GFRA2: variants seen among roughly 807,000 people sequenced by gnomAD.
The protein encoded by GFRA2 is GDNF family receptor alpha 2.
A neutral mutation model predicts 48.3 loss-of-function variants in GFRA2; 17 were observed. The ratio of observed to expected loss-of-function variants is 0.35; its 90% CI spans 0.24 to 0.53. The LOEUF is 0.53. GFRA2 is among the 20% of genes least tolerant of loss of function. The pLI, the probability that GFRA2 is intolerant of heterozygous loss-of-function variation, is 0.93. For missense variants in GFRA2, 660 were observed against 637.3 expected, an observed-to-expected ratio of 1.04 and a Z score of -0.38; for synonymous variants, 305 against 257.2, an observed-to-expected ratio of 1.19 and a Z score of -1.78.
chr8:21,750,052 A>C lies in GFRA2; in HGVS notation c.794+536T>G, dbSNP rs1395254629. Among the ~76,000 whole-genome samples the C allele has an allele frequency of 6.8e-6, 1 of 147,184 alleles. No homozygotes were observed. Among genetic ancestry groups the C allele is most frequent in the East Asian group, 2.0e-4 (1 of 5,064 alleles). On this transcript the variant is annotated intron_variant, in intron 4 of 8. Transcript: ENST00000524240. This position sits in a 1 kb window ranked among gnomAD's most constrained non-coding sequence, Gnocchi z 5.7. The stretch of plus-strand genomic sequence containing the variant: ...AATTTAGCTCTATATAATATATGTA[A>C]GTATATATATGTGTATATATGTGTG...
At chr8:21,721,268 C>T (rs1803580246) in intron 4 of GFRA2, among the ~76,000 whole-genome samples, 1 of 152,208 alleles carries the variant, frequency 6.6e-6, no homozygotes, top group African/African-American at 2.4e-5. Flanking sequence ...TTCCCCCCTT[C>T]CTCTTATCCT....
At chr8:21,790,176 G>A (rs1470777387), upstream of GFRA2, 4 of 838,142 alleles carry the variant, frequency 4.8e-6, no homozygotes, top group Non-Finnish European at 5.8e-6. Context: ...GTCACGTTCC[G>A]GCGAGAGCGG....
At chr8:21,703,894 G>A (rs186056978) in intron 6 of GFRA2, among the ~76,000 whole-genome samples, 136 of 152,320 alleles carry the variant, frequency 8.9e-4, no homozygotes, top group Admixed American at 5.9e-4. Context: ...TCTGACTCCC[G>A]CTGCCTCACA....
chr8:21,791,153 T>C (rs984748904), upstream of GFRA2, among the ~76,000 whole-genome samples: 5 of 152,276 alleles, frequency 3.3e-5, no homozygotes, highest in East Asian at 9.7e-4. Context: ...CATTTGAGCA[T>C]AATGAGAGAA....
intron 4 of GFRA2, among the ~76,000 whole-genome samples, chr8:21,747,702 A>G (rs1196527077): frequency 2.0e-5 from 3 of 148,468 alleles, no homozygotes; most frequent in Non-Finnish European, 4.4e-5. Flanking sequence ...TTTGTACCCA[A>G]TGCCTCTACT....
intron 4 of GFRA2, among the ~76,000 whole-genome samples, chr8:21,714,903 C>A (rs1415075467): frequency 6.6e-6 from 1 of 152,158 alleles, no homozygotes; most frequent in African/African-American, 2.4e-5. Context: ...GTGCAAATTA[C>A]TCATGATAGG....
chr8:21,708,348 C>T (rs550770232), intron 4 of GFRA2, among the ~76,000 whole-genome samples: 53 of 152,306 alleles, frequency 3.5e-4, no homozygotes, highest in Non-Finnish European at 6.9e-4. Flanking sequence ...CATCCCCCTC[C>T]GCAGCCAGCA....
In GFRA2 at chr8:21,693,174, T is replaced by G. The variant is rs1801953767; in HGVS notation, c.*104A>C. The G allele has an allele frequency of 8.6e-7, 1 of 1,168,988 alleles. No individual in the cohort carries two copies. Among genetic ancestry groups the G allele is most frequent in the Non-Finnish European group, 1.1e-6 (1 of 885,176 alleles). The allele number at this position is 1,168,988 out of a possible 1,614,324, so 72.4% of individuals were successfully genotyped here. On this transcript the variant is annotated 3_prime_UTR_variant, in exon 9 of 9. Transcript: ENST00000524240. ...CAGCGACAAGGTGGGAAAAACAATT[T>G]TTTTTTTGCAAGGTGTGTGTGTGTC...
At chr8:21,809,393 C>T (rs929082771) in intron 1 of GFRA2, among the ~76,000 whole-genome samples, 4 of 152,216 alleles carry the variant, frequency 2.6e-5, no homozygotes, top group Admixed American at 6.5e-5. Flanking sequence ...GGCGCGATCT[C>T]AGCTCACGGC....
chr8:21,772,247 T>C (rs1806471760), intron 3 of GFRA2, among the ~76,000 whole-genome samples: 1 of 152,162 alleles, frequency 6.6e-6, no homozygotes, highest in Non-Finnish European at 1.5e-5. Context: ...CCAGCTCCTG[T>C]TCTCACCTTC....
chr8:21,788,128 A>T lies in GFRA2; in HGVS notation c.32T>A (p.Phe11Tyr). ...CGCCCGCAGGTACTCACCTAGAAAG[A>T]AGAAGAGGCAGAAGACGTTTGCCAA... MILANVFCLF[F>Y]FLDETLRSLA... Residue 11 changes from phenylalanine (F) to tyrosine (Y), a missense_variant, in exon 1 of 9, where the codon TTC (phenylalanine) becomes TAC (tyrosine). By Grantham distance (22) the Phe-to-Tyr change is conservative. Coordinates refer to ENST00000524240, the MANE Select transcript of GFRA2 (RefSeq NM_001495.5). The T allele has an allele frequency of 6.3e-7, 1 of 1,594,082 alleles. No homozygotes were observed. The highest frequency in any genetic ancestry group is 1.4e-5 in the African/African-American group (1 of 73,712).
intron 8 of GFRA2, 78 bp downstream of exon 8, chr8:21,694,386 A>G: frequency 7.3e-7 from 1 of 1,377,904 alleles, no homozygotes; most frequent in Non-Finnish European, 1.0e-6. Context: ...AGGGCGCTGG[A>G]TCTGAGGCTC....
In GFRA2 at chr8:21,757,506, C is replaced by CTTTTTTTTTTTTTTTTTTTTT. The variant is rs5889999; in HGVS notation, c.440-6565_440-6564insAAAAAAAAAAAAAAAAAAAAA. ...GATTTTTTCTTTAAATTCCTTAATC[C>CTTTTTTTTTTTTTTTTTTTTT]TTTTTTTTGAATGGAGTTTCACTCT... is the stretch of plus-strand genomic sequence containing the variant. On this transcript the variant is annotated intron_variant, in intron 3 of 8. Transcript: ENST00000524240. Among the ~76,000 whole-genome samples the CTTTTTTTTTTTTTTTTTTTTT allele has an allele frequency of 3.8e-4, 56 of 145,750 alleles. 2 individuals carry two copies. The highest frequency in any genetic ancestry group is 4.2e-4 in the South Asian group (2 of 4,706).
At chr8:21,776,073 T>C (rs958891459) in intron 2 of GFRA2, among the ~76,000 whole-genome samples, 1 of 148,666 alleles carries the variant, frequency 6.7e-6, no homozygotes, top group Non-Finnish European at 1.5e-5. Context: ...CACAGACTCA[T>C]TTCCCATCCA....
chr8:21,806,579 C>T (rs1338399814), intron 1 of GFRA2, among the ~76,000 whole-genome samples: 3 of 152,194 alleles, frequency 2.0e-5, no homozygotes, highest in Non-Finnish European at 4.4e-5. Flanking sequence ...ATCCTCCTAC[C>T]TCAGCCTCCT....
chr8:21,762,929 A>G (rs1232683860), intron 3 of GFRA2, among the ~76,000 whole-genome samples: 1 of 152,212 alleles, frequency 6.6e-6, no homozygotes, highest in Non-Finnish European at 1.5e-5. Context: ...GAGGCATTTC[A>G]TATTGATGTG....
At chr8:21,799,934 C>T (rs982567233) in intron 2 of GFRA2, among the ~76,000 whole-genome samples, 2 of 152,168 alleles carry the variant, frequency 1.3e-5, no homozygotes, top group African/African-American at 4.8e-5. Context: ...GGCCTTGTGC[C>T]CTCCCACAGG....
At chr8:21,793,544 G>C (rs1457871726), upstream of GFRA2, among the ~76,000 whole-genome samples, 1 of 152,180 alleles carries the variant, frequency 6.6e-6, no homozygotes, top group Admixed American at 6.5e-5. Context: ...CTAGATACAA[G>C]TTAATACTCC....
At chr8:21,790,528 T>C (rs1230471534), upstream of GFRA2, among the ~76,000 whole-genome samples, 2 of 152,224 alleles carry the variant, frequency 1.3e-5, no homozygotes, top group Non-Finnish European at 2.9e-5. Flanking sequence ...CTTGAGGATT[T>C]AGGCGGGAAG....
Sources: gnomAD v4.1 joint callset for allele counts (sites outside exome capture counted in the v4.1 genomes callset) on GRCh38, gnomAD v4.1.1 for gene constraint, Gnocchi (gnomAD v3.1) non-coding constraint, MANE v1.5 for transcripts, NCBI Gene and HGNC (gene_info 2026-07-23, HGNC 2026-07-21) for gene names.